The following IL34 variants were observed in gnomAD, a reference collection of about 807,000 sequenced individuals.
The protein encoded by IL34 is interleukin 34.
A neutral mutation model predicts 25.3 loss-of-function variants in IL34; 17 were observed. That is an observed-to-expected ratio of 0.67 (90% CI 0.46 to 1.01). IL34 has a LOEUF of 1.01. Among genes scored for constraint, IL34 ranks in the 50% least tolerant of loss-of-function variants. IL34 has a pLI of 0.00. For synonymous variants in IL34, 174 were observed against 140.9 expected (o/e 1.23, Z -1.66); for missense variants, 368 against 312.9 (o/e 1.18, Z -1.33).
chr16:70,607,800 T>C (rs377757130), intron 1 of IL34, among the ~76,000 whole-genome samples: 1 of 152,236 alleles, frequency 6.6e-6, no homozygotes, highest in African/African-American at 2.4e-5. Context: ...AGTCTTGCTC[T>C]GTTACCTAGG....
intron 1 of IL34, among the ~76,000 whole-genome samples, chr16:70,622,750 G>A (rs939964065): frequency 1.3e-5 from 2 of 152,060 alleles, no homozygotes; most frequent in African/African-American, 4.8e-5. Flanking sequence ...AGGAGCCGGG[G>A]AGCAGAAAGT....
chr16:70,642,366 C>T (rs574811692), upstream of IL34, among the ~76,000 whole-genome samples: 2 of 145,930 alleles, frequency 1.4e-5, no homozygotes, highest in East Asian at 2.0e-4. Flanking sequence ...GGCATGATCT[C>T]GGCTCACTGC....
chr16:70,599,937 C>A (rs1013589804), intron 1 of IL34, among the ~76,000 whole-genome samples: 2 of 152,072 alleles, frequency 1.3e-5, no homozygotes, highest in Non-Finnish European at 2.9e-5. Flanking sequence ...ACCTCGGCTT[C>A]TCAAAGTGCT....
At chr16:70,583,760 T>C (rs2050660885) in intron 1 of IL34, among the ~76,000 whole-genome samples, 1 of 151,872 alleles carries the variant, frequency 6.6e-6, no homozygotes, top group Non-Finnish European at 1.5e-5. Flanking sequence ...TCAATGATTT[T>C]CATGCCTCAG....
intron 2 of IL34, 30 bp downstream of exon 2, chr16:70,654,701 G>C: frequency 6.4e-7 from 1 of 1,573,540 alleles, no homozygotes; most frequent in Non-Finnish European, 8.7e-7. Context: ...CTGTGTCCCT[G>C]TCCCCGCGTC....
intron 3 of IL34, 68 bp from the exon 4 acceptor site, chr16:70,656,892 G>T (rs113117314): frequency 0.014 from 20,501 of 1,517,262 alleles, 217 homozygotes; most frequent in Middle Eastern, 0.046. Context: ...GCAAGTCCCT[G>T]GTGAGGGAGT....
In IL34 at chr16:70,595,638, A is replaced by C. The variant is rs2050810994; in HGVS notation, c.-401+15589A>C. Among the ~76,000 whole-genome samples, 4 of 152,222 alleles carry C rather than the reference A, an allele frequency of 2.6e-5. No individual in the cohort carries two copies. In the South Asian group the frequency reaches 8.3e-4, roughly 32 times the overall value. ...AGGGCTCCTCTCTCATTTTGTAGGAACATTCTTCTGGGGAGTAGTCTAACC... is the reference window on the plus strand; with the variant it reads ...AGGGCTCCTCTCTCATTTTGTAGGACCATTCTTCTGGGGAGTAGTCTAACC... On this transcript the variant is annotated intron_variant, in intron 1 of 6. Coordinates refer to the IL34 transcript ENST00000429149.
intron 5 of IL34, 113 bp from the exon 6 acceptor site, chr16:70,659,884 A>C (rs763600215): frequency 3.4e-6 from 5 of 1,481,064 alleles, no homozygotes; most frequent in Non-Finnish European, 4.5e-6. Flanking sequence ...CATTTCTGGA[A>C]GCCAGGATGG....
chr16:70,638,544 T>C (rs897315522), intron 1 of IL34, among the ~76,000 whole-genome samples: 2 of 152,144 alleles, frequency 1.3e-5, no homozygotes, highest in African/African-American at 4.8e-5. Flanking sequence ...GGTCCCCTGG[T>C]TGGTGGCTTC....
At chr16:70,628,933 A>G (rs1031000648) in intron 1 of IL34, among the ~76,000 whole-genome samples, 1 of 151,886 alleles carries the variant, frequency 6.6e-6, no homozygotes, top group Non-Finnish European at 1.5e-5. Flanking sequence ...GACAGCAAGC[A>G]TGTACCATTG....
chr16:70,659,668 C>T lies in IL34; in HGVS notation c.453C>T (p.Ala151=), dbSNP rs1486039282. The T allele has an allele frequency of 1.2e-6, 2 of 1,613,238 alleles. No homozygotes were observed. Among genetic ancestry groups the T allele is most frequent in the South Asian group, 1.1e-5 (1 of 90,992 alleles). ...KVESVLSLLN[A]PGPNLKLVRP... is the part of the protein sequence containing the mutation. ...AATCCGTGTTGTCCCTCTTGAATGC[C>T]CCAGGGCCAAACCTGAAGCTGGTGC... The change falls in exon 5 of 6, where the codon GCC becomes GCT. Residue 151 remains alanine (A), a synonymous_variant. Coordinates refer to ENST00000288098, the MANE Select transcript of IL34 (RefSeq NM_001393494.1).
intron 1 of IL34, among the ~76,000 whole-genome samples, chr16:70,614,870 A>G (rs2051149553): frequency 6.6e-6 from 1 of 151,784 alleles, no homozygotes; most frequent in African/African-American, 2.4e-5. Context: ...GTCTTGCCCA[A>G]GGCTCAGGAG....
At chr16:70,634,064 T>A (rs1024820249) in intron 1 of IL34, among the ~76,000 whole-genome samples, 3 of 151,904 alleles carry the variant, frequency 2.0e-5, no homozygotes, top group African/African-American at 7.3e-5. Context: ...TTGGCCAGGC[T>A]AGTCTCAAAC....
chr16:70,655,329 G>T (rs1410853672), intron 2 of IL34, among the ~76,000 whole-genome samples: 1 of 152,116 alleles, frequency 6.6e-6, no homozygotes, highest in Non-Finnish European at 1.5e-5. Flanking sequence ...GGGATTACAG[G>T]CGTGAGCCAC....
chr16:70,587,580 G>T (rs1344424995), intron 1 of IL34, among the ~76,000 whole-genome samples: 1 of 151,908 alleles, frequency 6.6e-6, no homozygotes, highest in Admixed American at 6.6e-5. Context: ...TGACAGTGCT[G>T]AGTTTGAATC....
rs2051529209 is a variant in IL34 at position 70,631,990 on chromosome 16, A to G, written c.-400-14558A>G. 2.0e-5 allele frequency among the ~76,000 whole-genome samples: 3 copies of G among 151,956 alleles called. No individual in the cohort carries two copies. The South Asian group carries it at 6.2e-4, about 32-fold the overall frequency. ...CTGTTGTGTACCTGTAATCCCAGCT[A>G]CTTGGGAGGCTGAGGTAGGAGGATT... is the stretch of plus-strand genomic sequence containing the variant. On this transcript the variant is annotated intron_variant, in intron 1 of 6. Coordinates refer to the IL34 transcript ENST00000429149.
chr16:70,636,020 G>C (rs2051633988), intron 1 of IL34, among the ~76,000 whole-genome samples: 1 of 151,408 alleles, frequency 6.6e-6, no homozygotes, highest in Non-Finnish European at 1.5e-5. Context: ...GTAGCTTCAG[G>C]GTCTGTATCT....
chr16:70,627,464 C>A (rs369693578), intron 1 of IL34, among the ~76,000 whole-genome samples: 1 of 147,772 alleles, frequency 6.8e-6, no homozygotes, highest in Non-Finnish European at 1.5e-5. Flanking sequence ...CCCTCCTCCC[C>A]CTTCCCTCCC....
chr16:70,658,011 G>A (rs1298821559), intron 4 of IL34, among the ~76,000 whole-genome samples: 1 of 152,132 alleles, frequency 6.6e-6, no homozygotes, highest in Non-Finnish European at 1.5e-5. Context: ...AAAAAGGAAG[G>A]TGGCGAGATG....
Sources: allele counts gnomAD v4.1 joint callset (sites outside exome capture counted in the v4.1 genomes callset), GRCh38; gene constraint gnomAD v4.1.1; transcripts MANE v1.5; gene names NCBI Gene and HGNC (gene_info 2026-07-23, HGNC 2026-07-21).